The following DYNC1H1 variants were observed in gnomAD, a reference collection of about 807,000 sequenced individuals.
DYNC1H1 encodes dynein cytoplasmic 1 heavy chain 1, also known as cytoplasmic dynein 1 heavy chain 1.
In DYNC1H1, 51 loss-of-function variants were observed where a neutral mutation model predicts 527.1. The observed-to-expected ratio is 0.10, with a 90% CI of 0.08 to 0.12. DYNC1H1 has a LOEUF of 0.12. Among genes scored for constraint, DYNC1H1 ranks in the 10% least tolerant of loss-of-function variants. The pLI is 1.00. For missense variants in DYNC1H1, 2,771 were observed against 5,971.8 expected (o/e 0.46, Z 17.66); for synonymous variants, 2,189 against 2,278.8 (o/e 0.96, Z 1.12).
intron 52 of DYNC1H1, 149 bp downstream of exon 52, chr14:102,032,616 C>A (rs2152591415): frequency 9.5e-7 from 1 of 1,047,974 alleles, no homozygotes; most frequent in Non-Finnish European, 1.4e-6. Context: ...CTTTGGGAGG[C>A]TGAGGCAGGT....
Position 102,029,420 on chromosome 14 carries a change from G to C in DYNC1H1, c.9469-119G>C. On this transcript the variant is annotated intron_variant, in intron 48 of 77. Coordinates refer to ENST00000360184, the MANE Select transcript of DYNC1H1 (RefSeq NM_001376.5). This position sits in a 1 kb window ranked among gnomAD's most constrained non-coding sequence, Gnocchi z 5.3. ...GCTGAGGCCCGACTCGAGTGTTCTG[G>C]CCCCGAGGGCCAGGCTCCTTCTATC... 7.3e-7 allele frequency: 1 copy of C among 1,362,956 alleles called. No individual in the cohort carries two copies. The highest frequency in any genetic ancestry group is 1.0e-6 in the Non-Finnish European group (1 of 976,660). The allele number at this position is 1,362,956 out of a possible 1,614,324, so 84.4% of individuals were successfully genotyped here.
chr14:102,030,730 C>A (rs1021680011), intron 51 of DYNC1H1: 5 of 251,652 alleles, frequency 2.0e-5, no homozygotes, highest in African/African-American at 6.9e-5. Context: ...TTTTTCCATT[C>A]CTTACATGCC....
chr14:102,050,921 C>G lies in DYNC1H1; in HGVS notation c.*358C>G. On this transcript the variant is annotated 3_prime_UTR_variant, in exon 78 of 78. Coordinates refer to ENST00000360184, the MANE Select transcript of DYNC1H1 (RefSeq NM_001376.5). ...CTCGCTTTCATCATGAGCTCGCTCC[C>G]GAGCGGCCACAGCACTCATGAATGA... 2.8e-6 allele frequency: 1 copy of G among 358,876 alleles called. No homozygotes were observed. Among genetic ancestry groups the G allele is most frequent in the Non-Finnish European group, 5.4e-6 (1 of 186,024 alleles). 22.2% of individuals were successfully genotyped at this position (358,876 alleles called of 1,614,324 possible). A position where few individuals can be genotyped will look rare whatever the true frequency, so the allele number is the denominator to read the frequency against.
At chr14:102,046,218 C>CT (rs941723494) in intron 72 of DYNC1H1, among the ~76,000 whole-genome samples, 24 of 152,132 alleles carry the variant, frequency 1.6e-4, no homozygotes, top group Middle Eastern at 3.4e-3. Flanking sequence ...CAGGCGCACT[C>CT]TATCAGGACA....
In DYNC1H1 at chr14:102,018,396, C is replaced by T. The variant is rs536345903; in HGVS notation, c.8178-55C>T. 25 of 1,599,126 alleles carry T rather than the reference C, an allele frequency of 1.6e-5. No homozygotes were observed. The highest frequency in any genetic ancestry group is 1.9e-5 in the Non-Finnish European group (22 of 1,176,206). ...AGGGCGACTCCACTGGCACACTGCC[C>T]CTTCCTGGGAGGCGCTGTCAGGGAG... is the stretch of plus-strand genomic sequence containing the variant. On this transcript the variant is annotated intron_variant, in intron 40 of 77. Transcript: ENST00000360184. This position sits in a 1 kb window ranked among gnomAD's most constrained non-coding sequence, Gnocchi z 5.2.
chr14:102,032,714 G>A (rs1227420434), intron 52 of DYNC1H1: 18 of 595,876 alleles, frequency 3.0e-5, no homozygotes, highest in South Asian at 3.9e-5. Context: ...TGAGCTGGGC[G>A]GGGTGGCATG....
intron 29 of DYNC1H1, 33 bp downstream of exon 29, chr14:102,008,370 G>A (rs1388614369): frequency 6.2e-7 from 1 of 1,612,254 alleles, no homozygotes; most frequent in Non-Finnish European, 8.5e-7. Flanking sequence ...ATTACTTAGA[G>A]AATGTAGAGG....
chr14:102,032,155 C>T, intron 51 of DYNC1H1, 117 bp from the exon 52 acceptor site: 1 of 1,247,374 alleles, frequency 8.0e-7, no homozygotes, highest in East Asian at 2.3e-5. Flanking sequence ...TTCTAAGCAG[C>T]TAGCTGTCCT....
Position 101,988,846 on chromosome 14 carries a change from G to T in DYNC1H1, c.2862G>T (p.Lys954Asn). 1 of 1,614,198 alleles carries T rather than the reference G, an allele frequency of 6.2e-7. No individual in the cohort carries two copies. ...QVSHKPGGEP[K>N]IKNVVHELRI... The stretch of plus-strand genomic sequence containing the variant: ...GTCACAAGCCTGGTGGAGAGCCAAA[G>T]ATCAAAGTGAGTGCTTCTGTGGCAT... Residue 954 changes from lysine (K) to asparagine (N), a missense_variant, in exon 10 of 78, where the codon AAG becomes AAT. By Grantham distance (94) the Lys-to-Asn change is moderately conservative. Coordinates refer to ENST00000360184, the MANE Select transcript of DYNC1H1 (RefSeq NM_001376.5).
chr14:102,004,704 T>G, intron 24 of DYNC1H1, 21 bp downstream of exon 24: 1 of 1,614,218 alleles, frequency 6.2e-7, no homozygotes, highest in Non-Finnish European at 8.5e-7. Flanking sequence ...GTTCGTAACT[T>G]TTAAAACTTC....
At chr14:102,008,544 T>C (rs2048223448) in intron 29 of DYNC1H1, among the ~76,000 whole-genome samples, 1 of 152,082 alleles carries the variant, frequency 6.6e-6, no homozygotes, top group Non-Finnish European at 1.5e-5. Flanking sequence ...TCCCAGCACT[T>C]TGGGAGGCTG....
Position 102,042,642 on chromosome 14 carries a change from T to G in DYNC1H1, c.12407T>G (p.Val4136Gly). Residue 4136 changes from valine to glycine, a missense_variant, in exon 69 of 78, where the codon GTG becomes GGG. Physicochemically the swap from Val to Gly is moderately radical, Grantham distance 109. Transcript: ENST00000360184. This position sits in a 1 kb window ranked among gnomAD's most constrained non-coding sequence, Gnocchi z 5.7. ...AACGGCGCTCTCCCTTAGGTGCCTG[T>G]GAATCTGCTCCGTGCGGGCCGCATC... ...LTMEINPKVP[V>G]NLLRAGRIFV... 1 of 1,614,150 alleles carries G rather than the reference T, an allele frequency of 6.2e-7. No homozygotes were observed. The highest frequency in any genetic ancestry group is 8.5e-7 in the Non-Finnish European group (1 of 1,180,020).
Position 102,049,811 on chromosome 14 carries a change from A to C in DYNC1H1, c.13613A>C (p.Glu4538Ala), listed in dbSNP as rs1357269687. 6.2e-7 allele frequency: 1 copy of C among 1,613,812 alleles called. No homozygotes were observed. Among genetic ancestry groups the C allele is most frequent in the South Asian group, 1.1e-5 (1 of 91,082 alleles). The change falls in exon 76 of 78, where the codon GAG becomes GCG. Residue 4538 changes from glutamate to alanine, a missense_variant. Transcript: ENST00000360184. This position sits in a 1 kb window ranked among gnomAD's most constrained non-coding sequence, Gnocchi z 5.5. ...VAQANSWSLE[E>A]LCLEVNVTTS... ...CAGGCCAACAGCTGGTCCCTGGAGG[A>C]GCTCTGCCTGGAAGTCAACGTCACC...
Position 102,027,430 on chromosome 14 carries a change from A to G in DYNC1H1, c.8934A>G (p.Thr2978=), listed in dbSNP as rs1192641956. The change falls in exon 46 of 78, where the codon ACA becomes ACG. Residue 2978 remains threonine, a synonymous_variant. Transcript: ENST00000360184. The surrounding 1 kb of genome is among the most constrained non-coding windows in gnomAD (Gnocchi z 7.7). Reference sequence around the variant, plus strand: ...AAGACTTTGATGAAGATCTACGGACAGTGTTGAGACGTTCTGGCTGTAAAA... The same window carrying G: ...AAGACTTTGATGAAGATCTACGGACGGTGTTGAGACGTTCTGGCTGTAAAA... ...TGEDFDEDLR[T]VLRRSGCKNE... 13 of 1,614,076 alleles carry G rather than the reference A, an allele frequency of 8.1e-6. No homozygotes were observed. The highest frequency in any genetic ancestry group is 1.1e-5 in the Non-Finnish European group (13 of 1,180,046).
At position 102,039,159 on chromosome 14, in the gene DYNC1H1, A is replaced by G. The variant is rs1177877033; in HGVS notation, c.11365A>G (p.Ile3789Val). 2.5e-6 allele frequency: 4 copies of G among 1,614,206 alleles called. No individual in the cohort carries two copies. The Admixed American group carries it at 5.0e-5, about 20-fold the overall frequency. ...CACCAGGAAAGTTGAGGAGACGGAC[A>G]TTGTCATGCAGGAGGTGGAGACCGT... ...EVTRKVEETD[I>V]VMQEVETVSQ... The change falls in exon 60 of 78, where the codon ATT (isoleucine) becomes GTT (valine). Residue 3789 changes from isoleucine (I) to valine (V), a missense_variant. By Grantham distance (29) the Ile-to-Val change is conservative. Around this residue, in one of 32 missense-constraint regions of DYNC1H1, gnomAD observed 283 missense variants for 737.6 expected, o/e 0.38. Coordinates refer to ENST00000360184, the MANE Select transcript of DYNC1H1 (RefSeq NM_001376.5). This position sits in a 1 kb window ranked among gnomAD's most constrained non-coding sequence, Gnocchi z 7.0.
Position 102,042,052 on chromosome 14 carries a change from G to A in DYNC1H1, c.12142G>A (p.Gly4048Ser), listed in dbSNP as rs768196646. Residue 4048 changes from glycine to serine, a missense_variant, in exon 66 of 78, where the codon GGT (glycine) becomes AGT (serine). Transcript: ENST00000360184. This position sits in a 1 kb window ranked among gnomAD's most constrained non-coding sequence, Gnocchi z 5.7. ...TCCTGTCTTAATGTGCTCTGTGCCT[G>A]GTTATGATGCCAGTGGACATGTCGA... Reference protein sequence around the residue: ...NTPVLMCSVPGYDASGHVEDL... With the variant: ...NTPVLMCSVPSYDASGHVEDL... 1.2e-6 allele frequency: 2 copies of A among 1,613,986 alleles called. No individual in the cohort carries two copies. Among genetic ancestry groups the A allele is most frequent in the African/African-American group, 1.3e-5 (1 of 74,908 alleles).
intron 7 of DYNC1H1, among the ~76,000 whole-genome samples, chr14:101,984,346 T>C (rs966515009): frequency 6.6e-6 from 1 of 150,778 alleles, no homozygotes; most frequent in Non-Finnish European, 1.5e-5. Flanking sequence ...TCTGTTGTCT[T>C]TAAGATCTAG....
Position 101,983,318 on chromosome 14 carries a change from C to T in DYNC1H1, c.1233+28C>T. 1 of 1,614,128 alleles carries T rather than the reference C, an allele frequency of 6.2e-7. No homozygotes were observed. The highest frequency in any genetic ancestry group is 8.5e-7 in the Non-Finnish European group (1 of 1,179,972). The stretch of plus-strand genomic sequence containing the variant: ...AAGTTTGAATATATAAGACAACCAA[C>T]CTCAAGACATTGAGATGAAAATATG... On this transcript the variant is annotated intron_variant, in intron 6 of 77. Coordinates refer to ENST00000360184, the MANE Select transcript of DYNC1H1 (RefSeq NM_001376.5). The surrounding 1 kb of genome is among the most constrained non-coding windows in gnomAD (Gnocchi z 5.3).
rs999280013 is a variant in DYNC1H1 at position 102,054,933 on chromosome 14, G to A, written c.*4370G>A. Reference sequence around the variant, plus strand: ...GCCCAGGCTGGTCTCCTGGGCTCAAGTGATCCACCCACCTTGGTCTCCCAA... The same window carrying A: ...GCCCAGGCTGGTCTCCTGGGCTCAAATGATCCACCCACCTTGGTCTCCCAA... On this transcript the variant is annotated 3_prime_UTR_variant, in exon 78 of 78. Coordinates refer to ENST00000360184, the MANE Select transcript of DYNC1H1 (RefSeq NM_001376.5). The A allele has an allele frequency of 6.6e-6, 1 of 152,388 alleles. No individual in the cohort carries two copies. Among genetic ancestry groups the A allele is most frequent in the South Asian group, 2.1e-4 (1 of 4,834 alleles). 9.4% of individuals were successfully genotyped at this position (152,388 alleles called of 1,614,324 possible).
Sources: gnomAD v4.1 joint callset for allele counts (sites outside exome capture counted in the v4.1 genomes callset) on GRCh38, gnomAD v4.1.1 for gene constraint, gnomAD v4.1.1 regional missense constraint, Gnocchi (gnomAD v3.1) non-coding constraint, MANE v1.5 for transcripts, NCBI Gene and HGNC (gene_info 2026-07-23, HGNC 2026-07-21) for gene names.